The following ADAMTS2 variants were observed in gnomAD, a reference collection of about 807,000 sequenced individuals.
The protein encoded by ADAMTS2 is ADAM metallopeptidase with thrombospondin type 1 motif 2, also known as A disintegrin and metalloproteinase with thrombospondin motifs 2.
A neutral mutation model predicts 123.0 loss-of-function variants in ADAMTS2; 50 were observed. The observed-to-expected ratio is 0.41, with a 90% CI of 0.32 to 0.51. The LOEUF is 0.51. ADAMTS2 is among the 20% of genes least tolerant of loss of function. The pLI, the probability that ADAMTS2 is intolerant of heterozygous loss-of-function variation, is 0.35. For missense variants in ADAMTS2, 1,494 were observed against 1,705.2 expected, an observed-to-expected ratio of 0.88 and a Z score of 2.18; for synonymous variants, 678 against 695.4, an observed-to-expected ratio of 0.98 and a Z score of 0.39.
At chr5:179,206,518 AC>A (rs1764699925) in intron 4 of ADAMTS2, among the ~76,000 whole-genome samples, 1 of 151,654 alleles carries the variant, frequency 6.6e-6, no homozygotes, top group African/African-American at 2.4e-5. Flanking sequence ...CTTCCACACC[AC>A]CTCCAGCCCT....
At chr5:179,232,495 C>G (rs754006345) in intron 3 of ADAMTS2, among the ~76,000 whole-genome samples, 1 of 152,194 alleles carries the variant, frequency 6.6e-6, no homozygotes, top group African/African-American at 2.4e-5. Context: ...GGATATGAAC[C>G]CTGGCATGGC....
At chr5:179,203,595 C>T (rs1253226604) in intron 4 of ADAMTS2, among the ~76,000 whole-genome samples, 1 of 152,194 alleles carries the variant, frequency 6.6e-6, no homozygotes, top group African/African-American at 2.4e-5. Context: ...TGCACAGGCC[C>T]AACCCTGCCC....
chr5:179,271,981 T>A (rs1766548671), intron 3 of ADAMTS2, among the ~76,000 whole-genome samples: 1 of 152,072 alleles, frequency 6.6e-6, no homozygotes. Context: ...GGCCCCAGAC[T>A]CCAGACTCTC....
At chr5:179,328,405 T>G (rs935779396) in intron 2 of ADAMTS2, among the ~76,000 whole-genome samples, 3 of 152,236 alleles carry the variant, frequency 2.0e-5, no homozygotes, top group Admixed American at 2.0e-4. Context: ...ACAGAGAGAC[T>G]GCTTTGCTAA....
At chr5:179,147,110 A>G (rs1423432560) in intron 10 of ADAMTS2, among the ~76,000 whole-genome samples, 1 of 152,180 alleles carries the variant, frequency 6.6e-6, no homozygotes, top group Non-Finnish European at 1.5e-5. Flanking sequence ...TCGTTTTGAG[A>G]TGGAGTCTCA....
At chr5:179,273,430 T>A (rs1766602182) in intron 2 of ADAMTS2, among the ~76,000 whole-genome samples, 1 of 152,132 alleles carries the variant, frequency 6.6e-6, no homozygotes, top group Admixed American at 6.5e-5. Context: ...TCCACCAAAG[T>A]GCATCAATAT....
chr5:179,124,485 T>C (rs1205932633), intron 19 of ADAMTS2, among the ~76,000 whole-genome samples: 1 of 152,202 alleles, frequency 6.6e-6, no homozygotes, highest in Non-Finnish European at 1.5e-5. Context: ...CCGAACATCC[T>C]ACTGGGCCTC....
chr5:179,256,955 G>C lies in ADAMTS2; in HGVS notation c.688+15956C>G, dbSNP rs921373312. Among the ~76,000 whole-genome samples the C allele has an allele frequency of 2.0e-5, 3 of 152,264 alleles. No homozygotes were observed. Among genetic ancestry groups the C allele is most frequent in the African/African-American group, 7.2e-5 (3 of 41,484 alleles). ...CATACAGACGAGAAGACTGAGGTCA[G>C]GCCAGAGCAAGGACTCCGCAGGCCA... is the stretch of plus-strand genomic sequence containing the variant. On this transcript the variant is annotated intron_variant, in intron 3 of 21. Coordinates refer to ENST00000251582, the MANE Select transcript of ADAMTS2 (RefSeq NM_014244.5). The surrounding 1 kb of genome is among the most constrained non-coding windows in gnomAD (Gnocchi z 4.1).
Position 179,129,057 on chromosome 5 carries a change from CT to C in ADAMTS2, c.2457+874del, listed in dbSNP as rs1762913173. ...GTGGCAGGCGACTCACACTTCACCA[CT>C]CTGTGCGTGTCCGTTTGGGGCTCAC... On this transcript the variant is annotated intron_variant, in intron 16 of 21. Coordinates refer to ENST00000251582, the MANE Select transcript of ADAMTS2 (RefSeq NM_014244.5). This position sits in a 1 kb window ranked among gnomAD's most constrained non-coding sequence, Gnocchi z 4.1. Among the ~76,000 whole-genome samples, 1 of 152,230 alleles carries C rather than the reference CT, an allele frequency of 6.6e-6. No individual in the cohort carries two copies. Among genetic ancestry groups the C allele is most frequent in the South Asian group, 2.1e-4 (1 of 4,836 alleles).
intron 2 of ADAMTS2, among the ~76,000 whole-genome samples, chr5:179,283,224 T>TG (rs1435424495): frequency 1.3e-5 from 2 of 151,332 alleles, no homozygotes; most frequent in Non-Finnish European, 1.5e-5. Flanking sequence ...GCATATATTC[T>TG]GGAAAAAAAA....
At chr5:179,216,635 A>G (rs574962078) in intron 3 of ADAMTS2, among the ~76,000 whole-genome samples, 84 of 152,344 alleles carry the variant, frequency 5.5e-4, no homozygotes, top group East Asian at 1.7e-3. Context: ...GAGAAGCAGA[A>G]GTCAGACCAC....
At chr5:179,166,580 G>A (rs1763702497) in intron 5 of ADAMTS2, among the ~76,000 whole-genome samples, 1 of 149,988 alleles carries the variant, frequency 6.7e-6, no homozygotes, top group Admixed American at 6.6e-5. Context: ...AGCTTAGGGG[G>A]CCCGTGGGCC....
rs1234950408 is a variant in ADAMTS2 at position 179,308,385 on chromosome 5, G to GA, written c.535-35322dup. The stretch of plus-strand genomic sequence containing the variant: ...GAGAGAGCACTCGAAATGCCAGCTG[G>GA]AAAGGTCACGCACGCCAGCTGGAAG... On this transcript the variant is annotated intron_variant, in intron 2 of 21. Transcript: ENST00000251582. This position sits in a 1 kb window ranked among gnomAD's most constrained non-coding sequence, Gnocchi z 6.6. 6.6e-6 allele frequency among the ~76,000 whole-genome samples: 1 copy of GA among 152,128 alleles called. No homozygotes were observed. The highest frequency in any genetic ancestry group is 2.4e-5 in the African/African-American group (1 of 41,412).
chr5:179,153,438 G>A, intron 9 of ADAMTS2, 53 bp downstream of exon 9: 1 of 1,599,232 alleles, frequency 6.3e-7, no homozygotes, highest in Non-Finnish European at 8.5e-7. Context: ...CCCTACACCA[G>A]CACGCCTCCC....
Position 179,262,025 on chromosome 5 carries a change from A to C in ADAMTS2, c.688+10886T>G, listed in dbSNP as rs998034582. Among the ~76,000 whole-genome samples the C allele has an allele frequency of 6.6e-6, 1 of 152,172 alleles. No individual in the cohort carries two copies. The highest frequency in any genetic ancestry group is 2.4e-5 in the African/African-American group (1 of 41,440). On this transcript the variant is annotated intron_variant, in intron 3 of 21. Coordinates refer to ENST00000251582, the MANE Select transcript of ADAMTS2 (RefSeq NM_014244.5). The surrounding 1 kb of genome is among the most constrained non-coding windows in gnomAD (Gnocchi z 5.9). ...TGGGGGCTCCTGCCCCCGCCCCGTG[A>C]GTCTGGGAACACATGGGTCTTGGCC...
chr5:179,320,902 C>T (rs1049149815), intron 2 of ADAMTS2, among the ~76,000 whole-genome samples: 2 of 152,100 alleles, frequency 1.3e-5, no homozygotes, highest in East Asian at 3.9e-4. Flanking sequence ...CATTTTTCTG[C>T]CTCAGAGAAG....
At chr5:179,279,333 G>A (rs1381407531) in intron 2 of ADAMTS2, among the ~76,000 whole-genome samples, 7 of 148,768 alleles carry the variant, frequency 4.7e-5, no homozygotes, top group African/African-American at 1.6e-4. Flanking sequence ...ACCTCCCTCC[G>A]AAATACACAC....
intron 3 of ADAMTS2, among the ~76,000 whole-genome samples, chr5:179,252,094 A>G (rs1016670417): frequency 7.5e-5 from 11 of 145,852 alleles, no homozygotes; most frequent in Non-Finnish European, 1.5e-4. Flanking sequence ...TGCAACCTCT[A>G]CCTCCCAGGC....
At chr5:179,270,023 T>C (rs1251401715) in intron 3 of ADAMTS2, among the ~76,000 whole-genome samples, 1 of 152,110 alleles carries the variant, frequency 6.6e-6, no homozygotes, top group Non-Finnish European at 1.5e-5. Flanking sequence ...TTGCCCCTCC[T>C]AATAACATCC....
Sources: gnomAD v4.1 joint callset for allele counts (sites outside exome capture counted in the v4.1 genomes callset) on GRCh38, gnomAD v4.1.1 for gene constraint, Gnocchi (gnomAD v3.1) non-coding constraint, MANE v1.5 for transcripts, NCBI Gene and HGNC (gene_info 2026-07-23, HGNC 2026-07-21) for gene names.